Variants in GALNT6 observed in about 807,000 individuals in gnomAD.
The protein encoded by GALNT6 is polypeptide N-acetylgalactosaminyltransferase 6.
In GALNT6, 51 loss-of-function variants were observed where a neutral mutation model predicts 65.9. The observed-to-expected ratio is 0.77, with a 90% CI of 0.62 to 0.98. The LOEUF (loss-of-function observed/expected upper bound fraction) is 0.98. GALNT6 is among the 50% of genes least tolerant of loss of function. GALNT6 has a pLI of 0.00. For missense variants in GALNT6, 708 were observed against 803.3 expected, an observed-to-expected ratio of 0.88 and a Z score of 1.43; for synonymous variants, 323 against 315.1, an observed-to-expected ratio of 1.02 and a Z score of -0.26.
At chr12:51,356,349 TTCTC>T (rs1451313108) in intron 10 of GALNT6, among the ~76,000 whole-genome samples, 5 of 141,882 alleles carry the variant, frequency 3.5e-5, no homozygotes, top group African/African-American at 7.7e-5. Context: ...CCAGTATATT[TTCTC>T]TTTTTTTTTT....
At chr12:51,379,998 G>A in intron 2 of GALNT6, 114 bp from the exon 3 acceptor site, 1 of 567,948 alleles carries the variant, frequency 1.8e-6, no homozygotes, top group Non-Finnish European at 3.1e-6. Context: ...CACCTTATTG[G>A]CCACAACTTT....
At chr12:51,377,442 G>A (rs1478382733) in intron 3 of GALNT6, 75 bp from the exon 4 acceptor site, 3 of 1,196,784 alleles carry the variant, frequency 2.5e-6, no homozygotes, top group Non-Finnish European at 3.6e-6. Flanking sequence ...CCCATCCAGA[G>A]ACTCCCCCAG....
chr12:51,390,156 CTTTTTTT>C (rs796243349), intron 2 of GALNT6, among the ~76,000 whole-genome samples: 9 of 116,306 alleles, frequency 7.7e-5, no homozygotes, highest in African/African-American at 2.0e-4. Flanking sequence ...TTCTTTCTTT[CTTTTTTT>C]TTTTTTTTTT....
chr12:51,360,577 G>A lies in GALNT6; in HGVS notation c.1167+144C>T, dbSNP rs368350447. ...TGCCATGGACAGGGGGAGCAGAAAA[G>A]AGGAAGAGACACACTGGGAAATAGC... On this transcript the variant is annotated intron_variant, in intron 7 of 11. Transcript: ENST00000356317. 2.3e-5 allele frequency: 15 copies of A among 653,100 alleles called. No homozygotes were observed. The African/African-American group carries it at 2.5e-4, about 11-fold the overall frequency. 40.5% of individuals were successfully genotyped at this position (653,100 alleles called of 1,614,324 possible). A position where few individuals can be genotyped will look rare whatever the true frequency, so the allele number is the denominator to read the frequency against.
chr12:51,359,373 G>A, intron 7 of GALNT6, 41 bp from the exon 8 acceptor site: 1 of 1,388,416 alleles, frequency 7.2e-7, no homozygotes, highest in Non-Finnish European at 1.0e-6. Context: ...CAGTGGGCTA[G>A]GTGAGACAGT....
rs1036358472 is a variant in GALNT6 at position 51,353,124 on chromosome 12, T to C, written c.*1255A>G. On this transcript the variant is annotated 3_prime_UTR_variant, in exon 12 of 12. Coordinates refer to ENST00000356317, the MANE Select transcript of GALNT6 (RefSeq NM_007210.4). ...CAGCATTGAAGAACGAGCCTCAGTC[T>C]TGGCTCCAGCCATCTGCTAGCTATG... The C allele has an allele frequency of 2.0e-5, 3 of 152,272 alleles. No individual in the cohort carries two copies. The highest frequency in any genetic ancestry group is 7.2e-5 in the African/African-American group (3 of 41,462). The allele number at this position is 152,272 out of a possible 1,614,324, so 9.4% of individuals were successfully genotyped here.
chr12:51,384,063 GC>G (rs1176406913), intron 2 of GALNT6, among the ~76,000 whole-genome samples: 1 of 152,074 alleles, frequency 6.6e-6, no homozygotes, highest in East Asian at 1.9e-4. Flanking sequence ...TGTGCCCGCA[GC>G]CCCCATCCAC....
chr12:51,356,026 G>C, intron 10 of GALNT6, 68 bp from the exon 11 acceptor site: 1 of 1,471,498 alleles, frequency 6.8e-7, no homozygotes, highest in African/African-American at 1.4e-5. Context: ...CCTGCCCTGA[G>C]CTGTCTACCA....
At chr12:51,361,701 G>A (rs980354162) in intron 6 of GALNT6, among the ~76,000 whole-genome samples, 6 of 152,150 alleles carry the variant, frequency 3.9e-5, no homozygotes, top group African/African-American at 7.2e-5. Context: ...GTATCGAAGC[G>A]GACCCGGGGA....
chr12:51,364,120 C>T lies in GALNT6; in HGVS notation c.1049+1G>A. 1 of 1,610,512 alleles carries T rather than the reference C, an allele frequency of 6.2e-7. No individual in the cohort carries two copies. Among genetic ancestry groups the T allele is most frequent in the Non-Finnish European group, 8.5e-7 (1 of 1,176,652 alleles). On this transcript the variant is annotated splice_donor_variant, in intron 6 of 11. Coordinates refer to ENST00000356317, the MANE Select transcript of GALNT6 (RefSeq NM_007210.4). LOFTEE classifies it high-confidence loss of function. ...GGGGCTCACCAGGCTGCGGTCCTTA[C>T]TTGATGGGGTAGGTTTCATCCTTGC...
chr12:51,360,693 T>C lies in GALNT6; in HGVS notation c.1167+28A>G, dbSNP rs200514122. The C allele has an allele frequency of 6.0e-5, 79 of 1,307,400 alleles. No homozygotes were observed. In the East Asian group the frequency reaches 9.8e-4, roughly 16 times the overall value. 81.0% of individuals were successfully genotyped at this position (1,307,400 alleles called of 1,614,324 possible). A position where few individuals can be genotyped will look rare whatever the true frequency, so the allele number is the denominator to read the frequency against. On this transcript the variant is annotated intron_variant, in intron 7 of 11. Transcript: ENST00000356317. ...CAAGCTGTCGCCTGGGATGTTGTGG[T>C]TCCCCCCAAAGCCCTCTTCACTCTC...
rs564759914 is a variant in GALNT6 at position 51,353,709 on chromosome 12, T to G, written c.*670A>C. The stretch of plus-strand genomic sequence containing the variant: ...CACTGGACTCTGCAGGTGCTTTGGA[T>G]GATCAAGGAATAGGACATGGCTGTA... On this transcript the variant is annotated 3_prime_UTR_variant, in exon 12 of 12. Coordinates refer to ENST00000356317, the MANE Select transcript of GALNT6 (RefSeq NM_007210.4). The G allele has an allele frequency of 1.3e-5, 2 of 151,998 alleles. No individual in the cohort carries two copies. Among genetic ancestry groups the G allele is most frequent in the East Asian group, 3.9e-4 (2 of 5,126 alleles). 9.4% of individuals were successfully genotyped at this position (151,998 alleles called of 1,614,324 possible).
intron 2 of GALNT6, among the ~76,000 whole-genome samples, chr12:51,383,813 A>G (rs1165077779): frequency 6.6e-6 from 1 of 152,094 alleles, no homozygotes; most frequent in Non-Finnish European, 1.5e-5. Flanking sequence ...GAGACACAGA[A>G]TCTAGTGCAA....
intron 4 of GALNT6, among the ~76,000 whole-genome samples, chr12:51,375,643 C>T (rs982855742): frequency 7.2e-5 from 11 of 151,772 alleles, no homozygotes; most frequent in African/African-American, 1.9e-4. Context: ...CTGCAACCTC[C>T]GCCTCCTGGG....
chr12:51,377,659 G>C (rs1433146586), intron 3 of GALNT6, among the ~76,000 whole-genome samples: 1 of 152,222 alleles, frequency 6.6e-6, no homozygotes, highest in Middle Eastern at 3.4e-3. Flanking sequence ...TCCTTCATCT[G>C]CTATCTGCTC....
rs1258901374 is a variant in GALNT6 at position 51,365,599 on chromosome 12, T to G, written c.665-20A>C. 1.2e-6 allele frequency: 2 copies of G among 1,611,010 alleles called. No individual in the cohort carries two copies. The highest frequency in any genetic ancestry group is 1.7e-6 in the Non-Finnish European group (2 of 1,177,868). On this transcript the variant is annotated intron_variant, in intron 4 of 11. Coordinates refer to ENST00000356317, the MANE Select transcript of GALNT6 (RefSeq NM_007210.4). ...GGTGCTCTGGAAGGGACAGTGTCATTGTGGCCAGTCCACCACTTTGCTGTA... is the reference window on the plus strand; with the variant it reads ...GGTGCTCTGGAAGGGACAGTGTCATGGTGGCCAGTCCACCACTTTGCTGTA...
intron 7 of GALNT6, 98 bp from the exon 8 acceptor site, chr12:51,359,430 G>A: frequency 1.2e-6 from 1 of 810,134 alleles, no homozygotes; most frequent in Non-Finnish European, 2.0e-6. Context: ...CAGACCCCAG[G>A]TCCAAGGACT....
chr12:51,366,793 T>C (rs936269222), intron 4 of GALNT6, among the ~76,000 whole-genome samples: 1 of 152,214 alleles, frequency 6.6e-6, no homozygotes, highest in African/African-American at 2.4e-5. Context: ...TTTTAGTTCA[T>C]GGCCCTGTAA....
chr12:51,382,235 G>A (rs1384482403), intron 2 of GALNT6: 1 of 152,200 alleles, frequency 6.6e-6, no homozygotes, highest in East Asian at 1.9e-4. Context: ...CAAGAGGCGG[G>A]GGACACAGAG....
Sources: allele counts gnomAD v4.1 joint callset (sites outside exome capture counted in the v4.1 genomes callset), GRCh38; gene constraint gnomAD v4.1.1; transcripts MANE v1.5; gene names NCBI Gene and HGNC (gene_info 2026-07-23, HGNC 2026-07-21).